The following PROSER1 variants were observed in gnomAD, a reference collection of about 807,000 sequenced individuals.
PROSER1 encodes the protein proline and serine-rich protein 1.
A neutral mutation model predicts 71.8 loss-of-function variants in PROSER1; 36 were observed. The observed-to-expected ratio is 0.50, with a 90% CI of 0.38 to 0.66. The LOEUF is 0.66. Among genes scored for constraint, PROSER1 ranks in the 30% least tolerant of loss-of-function variants. The pLI is 0.00. For missense variants in PROSER1, 1,107 were observed against 1,135.0 expected (o/e 0.98, Z 0.35); for synonymous variants, 490 against 452.4 (o/e 1.08, Z -1.06).
chr13:39,013,115 G>A lies in PROSER1; in HGVS notation c.2137C>T (p.Pro713Ser), dbSNP rs748515460. 1.9e-6 allele frequency: 3 copies of A among 1,614,142 alleles called. No individual in the cohort carries two copies. The highest frequency in any genetic ancestry group is 2.2e-5 in the South Asian group (2 of 91,076). Residue 713 changes from proline to serine, a missense_variant, in exon 11 of 13, where the codon CCA (proline) becomes TCA (serine). Coordinates refer to ENST00000352251, the MANE Select transcript of PROSER1 (RefSeq NM_025138.5). Reference sequence around the variant, plus strand: ...AGAGATACTGACGGATTAAGAGATGGGTTGCCAGTTAAAGGAAAATTGTTG... The same window carrying A: ...AGAGATACTGACGGATTAAGAGATGAGTTGCCAGTTAAAGGAAAATTGTTG... ...LTNNFPLTGN[P>S]SLNPSVSLPG... is the part of the protein sequence containing the mutation.
At chr13:39,036,010 T>C (rs1008244581) in intron 1 of PROSER1, among the ~76,000 whole-genome samples, 35 of 152,222 alleles carry the variant, frequency 2.3e-4, no homozygotes, top group African/African-American at 4.6e-4. Context: ...GACGTTTTTA[T>C]GACACCAGGA....
In PROSER1 at chr13:39,024,505, T is replaced by C. The variant is rs774477933; in HGVS notation, c.532A>G (p.Ile178Val). ...GEECTNEGKG[I>V]AARILGPSKP... ...GATGGCCCAAGAATTCGTGCAGCTA[T>C]TCCTTTGCCTTCGTTAGTACATTCT... The change falls in exon 7 of 13, where the codon ATA becomes GTA. Residue 178 changes from isoleucine to valine, a missense_variant. Coordinates refer to ENST00000352251, the MANE Select transcript of PROSER1 (RefSeq NM_025138.5). 1.9e-6 allele frequency: 3 copies of C among 1,611,694 alleles called. No homozygotes were observed. The highest frequency in any genetic ancestry group is 1.7e-4 in the Middle Eastern group (1 of 6,054).
chr13:39,013,490 C>T lies in PROSER1; in HGVS notation c.1762G>A (p.Gly588Ser). 1 of 1,614,014 alleles carries T rather than the reference C, an allele frequency of 6.2e-7. No homozygotes were observed. Among genetic ancestry groups the T allele is most frequent in the Non-Finnish European group, 8.5e-7 (1 of 1,180,014 alleles). ...GATGAAATATGCAGATCTGAGGTAC[C>T]TGGGTGGGGGCCACGCAAAAGGGAG... is the stretch of plus-strand genomic sequence containing the variant. ...SASLLRGPHP[G>S]TSDLHISSTP... Residue 588 changes from glycine to serine, a missense_variant, in exon 11 of 13, where the codon GGT (glycine) becomes AGT (serine). By Grantham distance (56) the Gly-to-Ser change is moderately conservative. Coordinates refer to ENST00000352251, the MANE Select transcript of PROSER1 (RefSeq NM_025138.5).
At chr13:39,031,973 G>T (rs1463491959) in intron 2 of PROSER1, among the ~76,000 whole-genome samples, 2 of 152,040 alleles carry the variant, frequency 1.3e-5, no homozygotes, top group African/African-American at 4.8e-5. Context: ...GGTCTAGAAA[G>T]AAAGAAAAAT....
intron 9 of PROSER1, among the ~76,000 whole-genome samples, chr13:39,021,504 C>T (rs1428775548): frequency 6.6e-6 from 1 of 151,960 alleles, no homozygotes; most frequent in African/African-American, 2.4e-5. Flanking sequence ...TAAAGAACCA[C>T]CAGTAGGTCA....
rs555188822 is a variant in PROSER1 at position 39,024,177 on chromosome 13, T to G, written c.564+296A>C. On this transcript the variant is annotated intron_variant, in intron 7 of 12. Coordinates refer to ENST00000352251, the MANE Select transcript of PROSER1 (RefSeq NM_025138.5). ...ACACTAATTCAGCTAAACTACAAAC[T>G]TAGTTAAAACAAGCTCTCCACACTC... 4.6e-5 allele frequency among the ~76,000 whole-genome samples: 7 copies of G among 152,162 alleles called. No individual in the cohort carries two copies. The East Asian group carries it at 1.2e-3, about 25-fold the overall frequency.
At chr13:39,017,126 T>C (rs1331268222) in intron 10 of PROSER1, among the ~76,000 whole-genome samples, 2 of 152,212 alleles carry the variant, frequency 1.3e-5, no homozygotes, top group Admixed American at 6.5e-5. Context: ...AAAAATAGAA[T>C]CTGACTAGCA....
chr13:39,017,847 A>G (rs1870080325), intron 9 of PROSER1: 1 of 250,244 alleles, frequency 4.0e-6, no homozygotes, highest in Admixed American at 5.8e-5. Flanking sequence ...TTAATTTTAC[A>G]TATATACTAT....
chr13:39,015,846 G>A (rs1869984001), intron 10 of PROSER1, among the ~76,000 whole-genome samples: 1 of 151,572 alleles, frequency 6.6e-6, no homozygotes, highest in Admixed American at 6.6e-5. Flanking sequence ...CTATAAAAAT[G>A]GATTTGTACG....
intron 9 of PROSER1, chr13:39,017,978 G>A (rs1162876738): frequency 6.2e-6 from 1 of 160,578 alleles, no homozygotes; most frequent in African/African-American, 2.4e-5. Flanking sequence ...CAGCTCCTCT[G>A]AGTACCAGTG....
At chr13:39,015,771 G>A (rs868501948) in intron 10 of PROSER1, among the ~76,000 whole-genome samples, 1 of 152,112 alleles carries the variant, frequency 6.6e-6, no homozygotes, top group Admixed American at 6.6e-5. Context: ...AGTCTTGACC[G>A]TATTAATGTT....
rs1345396051 is a variant in PROSER1 at position 39,012,171 on chromosome 13, C to G, written c.2624G>C (p.Gly875Ala). Residue 875 changes from glycine (G) to alanine (A), a missense_variant, in exon 12 of 13, where the codon GGT becomes GCT. Gly to Ala is a moderately conservative substitution (Grantham distance 60). Coordinates refer to ENST00000352251, the MANE Select transcript of PROSER1 (RefSeq NM_025138.5). Reference protein sequence around the residue: ...SVFPGLLSLPGIPGFPQNPSQ... With the variant: ...SVFPGLLSLPAIPGFPQNPSQ... Reference sequence around the variant, plus strand: ...AGGATTCTGAGGAAACCCAGGGATACCCGGGAGGGACAAAAGGCCTGGAAA... The same window carrying G: ...AGGATTCTGAGGAAACCCAGGGATAGCCGGGAGGGACAAAAGGCCTGGAAA... The G allele has an allele frequency of 1.2e-6, 2 of 1,614,122 alleles. No individual in the cohort carries two copies. The highest frequency in any genetic ancestry group is 1.7e-6 in the Non-Finnish European group (2 of 1,179,978).
At position 39,031,569 on chromosome 13, in the gene PROSER1, T is replaced by C. The variant is rs1233556180; in HGVS notation, c.174A>G (p.Leu58=). The C allele has an allele frequency of 2.4e-5, 38 of 1,608,384 alleles. No homozygotes were observed. The highest frequency in any genetic ancestry group is 3.2e-5 in the Non-Finnish European group (38 of 1,176,770). ...GAAAAAATAAGTTACTTACATGCTG[T>C]AATGCTTTCATTGCCTTCAACTGGG... ...AEPQLKAMKA[L]QHKMVAVQPT... is the part of the protein sequence containing the mutation. Residue 58 remains leucine (L), a synonymous_variant, in exon 3 of 13, where the codon TTA becomes TTG. Transcript: ENST00000352251.
rs773536465 is a variant in PROSER1 at position 39,017,548 on chromosome 13, T to C, written c.731-4A>G. On this transcript the variant is annotated splice_region_variant and splice_polypyrimidine_tract_variant and intron_variant, in intron 9 of 12. Transcript: ENST00000352251. Reference sequence around the variant, plus strand: ...GGATTCGAAAGGTCTTCATTCTCTATATAAAAATAAATAAAAGTTCATTTT... The same window carrying C: ...GGATTCGAAAGGTCTTCATTCTCTACATAAAAATAAATAAAAGTTCATTTT... The C allele has an allele frequency of 2.1e-6, 3 of 1,429,932 alleles. No individual in the cohort carries two copies. In the South Asian group the frequency reaches 3.8e-5, roughly 18 times the overall value. The allele number at this position is 1,429,932 out of a possible 1,614,324, so 88.6% of individuals were successfully genotyped here.
At chr13:39,022,662 T>C (rs1038453683) in intron 8 of PROSER1, 6 of 444,878 alleles carry the variant, frequency 1.3e-5, no homozygotes, top group African/African-American at 9.8e-5. Flanking sequence ...GTGAATGGCA[T>C]GGCAGGCAGA....
intron 2 of PROSER1, 104 bp downstream of exon 2, chr13:39,034,027 A>T: frequency 1.3e-6 from 1 of 755,694 alleles, no homozygotes; most frequent in South Asian, 2.2e-5. Flanking sequence ...TTGAATAAAT[A>T]CAGCAAAAAG....
intron 2 of PROSER1, among the ~76,000 whole-genome samples, chr13:39,033,181 A>G (rs1870939972): frequency 6.6e-6 from 1 of 152,254 alleles, no homozygotes. Flanking sequence ...TGGCCTCCCA[A>G]AGTGCTGGGA....
Position 39,023,041 on chromosome 13 carries a change from G to T in PROSER1, c.643+11C>A, listed in dbSNP as rs1461536555. On this transcript the variant is annotated intron_variant, in intron 8 of 12. Transcript: ENST00000352251. ...AAAGAAAAACAAGTAAAAAATAAGG[G>T]AACTCCTTACTTGGTGCAATAGTTG... 3 of 1,597,634 alleles carry T rather than the reference G, an allele frequency of 1.9e-6. No homozygotes were observed. The Admixed American group carries it at 5.0e-5, about 27-fold the overall frequency.
At chr13:39,033,522 CTCTA>C (rs1289366212) in intron 2 of PROSER1, among the ~76,000 whole-genome samples, 4 of 152,184 alleles carry the variant, frequency 2.6e-5, no homozygotes, top group Non-Finnish European at 5.9e-5. Flanking sequence ...TGCCTGACTT[CTCTA>C]TCAAGAATTT....
Sources: allele counts gnomAD v4.1 joint callset (sites outside exome capture counted in the v4.1 genomes callset), GRCh38; gene constraint gnomAD v4.1.1; transcripts MANE v1.5; gene names NCBI Gene and HGNC (gene_info 2026-07-23, HGNC 2026-07-21).